The following SUFU variants were observed in gnomAD, a reference collection of about 807,000 sequenced individuals.
The protein encoded by SUFU is suppressor of fused homolog.
SUFU carries 7 observed loss-of-function variants against 58.9 expected under a neutral mutation model. The observed-to-expected ratio is 0.12, with a 90% CI of 0.07 to 0.22. The LOEUF is 0.22. SUFU is among the 10% of genes least tolerant of loss of function. The pLI, the probability that SUFU is intolerant of heterozygous loss-of-function variation, is 1.00. For synonymous variants in SUFU, 232 were observed against 254.8 expected (o/e 0.91, Z 0.85); for missense variants, 451 against 641.3 (o/e 0.70, Z 3.20).
At chr10:102,537,129 CTTT>C (rs74317451) in intron 2 of SUFU, among the ~76,000 whole-genome samples, 28 of 119,340 alleles carry the variant, frequency 2.3e-4, no homozygotes, top group Admixed American at 4.6e-4. Context: ...TTAAATTTAC[CTTT>C]TTTTTTTTTT....
At chr10:102,531,679 C>T (rs2062679463) in intron 2 of SUFU, among the ~76,000 whole-genome samples, 1 of 152,036 alleles carries the variant, frequency 6.6e-6, no homozygotes, top group African/African-American at 2.4e-5. Context: ...TTGGTGCCTT[C>T]AAAGTAAGAT....
intron 2 of SUFU, among the ~76,000 whole-genome samples, chr10:102,540,050 C>G (rs1198339323): frequency 6.6e-6 from 1 of 152,134 alleles, no homozygotes; most frequent in East Asian, 1.9e-4. Context: ...CTACTTTTGG[C>G]ATGTTCCCAT....
chr10:102,597,916 T>C (rs1313588317), intron 7 of SUFU, among the ~76,000 whole-genome samples: 1 of 152,240 alleles, frequency 6.6e-6, no homozygotes, highest in Non-Finnish European at 1.5e-5. Context: ...GAAACAGTTG[T>C]GGTTTTTAGT....
intron 8 of SUFU, among the ~76,000 whole-genome samples, chr10:102,612,191 GTGTGTGTGTGTGTGTGTGCACGCGCA>G (rs1434655549): frequency 9.8e-6 from 1 of 102,128 alleles, no homozygotes; most frequent in Non-Finnish European, 2.1e-5. Flanking sequence ...GTGTGTGTGT[GTGTGTGTGTGTGTGTGTGCACGCGCA>G]TGTGTGTGTG....
chr10:102,619,684 C>G lies in SUFU; in HGVS notation c.1296+2256C>G, dbSNP rs1468176355. Reference sequence around the variant, plus strand: ...CAACACCCACACCAGCCCTCCTCCCCCTGCCAGGCAGTCAGCACTTTCTCC... The same window carrying G: ...CAACACCCACACCAGCCCTCCTCCCGCTGCCAGGCAGTCAGCACTTTCTCC... On this transcript the variant is annotated intron_variant, in intron 10 of 11. Transcript: ENST00000369902. This position sits in a 1 kb window ranked among gnomAD's most constrained non-coding sequence, Gnocchi z 4.2. Among the ~76,000 whole-genome samples the G allele has an allele frequency of 1.3e-5, 2 of 152,220 alleles. No homozygotes were observed. Among genetic ancestry groups the G allele is most frequent in the African/African-American group, 4.8e-5 (2 of 41,450 alleles).
At position 102,588,116 on chromosome 10, in the gene SUFU, G is replaced by C. The variant is rs563967452; in HGVS notation, c.455-4466G>C. ...CCTTGTTGAAAATTAATGCCCACAGGCTGGGCGCAGTGGCTCACGCCTGTA... is the reference window on the plus strand; with the variant it reads ...CCTTGTTGAAAATTAATGCCCACAGCCTGGGCGCAGTGGCTCACGCCTGTA... On this transcript the variant is annotated intron_variant, in intron 3 of 11. Transcript: ENST00000369902. Among the ~76,000 whole-genome samples the C allele has an allele frequency of 4.6e-5, 7 of 152,224 alleles. No individual in the cohort carries two copies. The South Asian group carries it at 1.2e-3, about 27-fold the overall frequency.
intron 3 of SUFU, among the ~76,000 whole-genome samples, chr10:102,592,055 T>C (rs2063407892): frequency 1.3e-5 from 2 of 152,326 alleles, no homozygotes; most frequent in South Asian, 4.1e-4. Context: ...AATTCCTACA[T>C]CTGCCTGTGG....
intron 2 of SUFU, among the ~76,000 whole-genome samples, chr10:102,518,511 G>GTCTA (rs1490037833): frequency 2.3e-5 from 1 of 43,548 alleles, no homozygotes; most frequent in South Asian, 9.2e-4. Context: ...CTAACTGTCT[G>GTCTA]TCTGTCTGTC....
At chr10:102,582,739 A>G (rs1430877319) in intron 3 of SUFU, among the ~76,000 whole-genome samples, 1 of 152,188 alleles carries the variant, frequency 6.6e-6, no homozygotes, top group African/African-American at 2.4e-5. Flanking sequence ...TGAATTTGCC[A>G]AACAACATAA....
intron 2 of SUFU, among the ~76,000 whole-genome samples, chr10:102,549,402 C>A (rs1023087265): frequency 6.6e-6 from 1 of 152,180 alleles, no homozygotes; most frequent in African/African-American, 2.4e-5. Flanking sequence ...AACTCACTCA[C>A]TATGACAAGA....
chr10:102,574,353 A>C (rs1441077189), intron 3 of SUFU, among the ~76,000 whole-genome samples: 1 of 152,258 alleles, frequency 6.6e-6, no homozygotes, highest in Non-Finnish European at 1.5e-5. Context: ...GTTGTTAATA[A>C]AAATATTGAC....
At chr10:102,575,245 A>G (rs1273097802) in intron 3 of SUFU, among the ~76,000 whole-genome samples, 1 of 152,186 alleles carries the variant, frequency 6.6e-6, no homozygotes, top group Non-Finnish European at 1.5e-5. Context: ...CCTGGTTGAA[A>G]ATGCCAGTGG....
At chr10:102,603,433 G>A (rs2063532881) in intron 8 of SUFU, among the ~76,000 whole-genome samples, 1 of 152,190 alleles carries the variant, frequency 6.6e-6, no homozygotes, top group Admixed American at 6.5e-5. Context: ...GAACTCTTAG[G>A]AAGCTCTCTG....
Position 102,628,016 on chromosome 10 carries a change from C to T in SUFU, c.1365+773C>T, listed in dbSNP as rs1015793281. On this transcript the variant is annotated intron_variant, in intron 11 of 11. Transcript: ENST00000369902. This position sits in a 1 kb window ranked among gnomAD's most constrained non-coding sequence, Gnocchi z 4.5. Reference sequence around the variant, plus strand: ...GGTTAGTGAACTCTAGCAGGCTGGCCGGGCCTCTGGAGAGCTCTCCTGGGC... The same window carrying T: ...GGTTAGTGAACTCTAGCAGGCTGGCTGGGCCTCTGGAGAGCTCTCCTGGGC... Among the ~76,000 whole-genome samples, 2 of 152,182 alleles carry T rather than the reference C, an allele frequency of 1.3e-5. No homozygotes were observed. Among genetic ancestry groups the T allele is most frequent in the East Asian group, 1.9e-4 (1 of 5,188 alleles).
At chr10:102,504,486 G>A in intron 1 of SUFU, 152 bp downstream of exon 1, 1 of 1,476,594 alleles carries the variant, frequency 6.8e-7, no homozygotes. Context: ...AGGAGTTAAG[G>A]CTCAAGTTGG....
chr10:102,551,113 C>T (rs2062909807), intron 3 of SUFU, among the ~76,000 whole-genome samples: 1 of 152,208 alleles, frequency 6.6e-6, no homozygotes, highest in Non-Finnish European at 1.5e-5. Context: ...AGGTTGAACC[C>T]CTCTGCCCGC....
chr10:102,613,345 A>C (rs1385334195), intron 8 of SUFU, among the ~76,000 whole-genome samples: 3 of 152,270 alleles, frequency 2.0e-5, no homozygotes, highest in African/African-American at 7.2e-5. Context: ...GTGAAGGAAC[A>C]GTCAGATCCA....
intron 8 of SUFU, among the ~76,000 whole-genome samples, chr10:102,608,347 C>T (rs191424983): frequency 9.9e-5 from 15 of 152,268 alleles, no homozygotes; most frequent in Non-Finnish European, 2.2e-4. Context: ...AACCGTTTGA[C>T]TAAACACTAA....
At chr10:102,587,028 G>T (rs1209571827) in intron 3 of SUFU, among the ~76,000 whole-genome samples, 1 of 152,174 alleles carries the variant, frequency 6.6e-6, no homozygotes, top group African/African-American at 2.4e-5. Context: ...TTTAGCATTT[G>T]CCAGAATTTC....
Sources: gnomAD v4.1 joint callset for allele counts (sites outside exome capture counted in the v4.1 genomes callset) on GRCh38, gnomAD v4.1.1 for gene constraint, Gnocchi (gnomAD v3.1) non-coding constraint, MANE v1.5 for transcripts, NCBI Gene and HGNC (gene_info 2026-07-23, HGNC 2026-07-21) for gene names.